Variants in CA10 observed in about 807,000 individuals in gnomAD.
CA10 encodes the protein carbonic anhydrase 10 (inactive), also known as carbonic anhydrase-related protein 10.
CA10 carries 14 observed loss-of-function variants against 44.2 expected under a neutral mutation model. The observed-to-expected ratio is 0.32, with a 90% confidence interval of 0.21 to 0.50. The LOEUF is 0.50. CA10 is among the 20% of genes least tolerant of loss of function. The pLI is 0.99. For missense variants in CA10, 350 were observed against 409.7 expected (o/e 0.85, Z 1.26); for synonymous variants, 159 against 141.6 (o/e 1.12, Z -0.87).
intron 2 of CA10, among the ~76,000 whole-genome samples, chr17:52,047,229 A>G (rs1428231950): frequency 6.6e-6 from 1 of 152,018 alleles, no homozygotes; most frequent in Non-Finnish European, 1.5e-5. Context: ...GATTATATGC[A>G]TATGGTTCTC....
At chr17:51,663,169 C>T (rs1597970444) in intron 4 of CA10, among the ~76,000 whole-genome samples, 1 of 147,022 alleles carries the variant, frequency 6.8e-6, no homozygotes, top group Admixed American at 6.9e-5. Context: ...AGATAAAACA[C>T]ATAAAGAATC....
intron 3 of CA10, among the ~76,000 whole-genome samples, chr17:51,890,545 A>G (rs1258991833): frequency 6.6e-6 from 1 of 152,168 alleles, no homozygotes; most frequent in African/African-American, 2.4e-5. Context: ...TGAATGATTT[A>G]ATAGTTATGG....
At chr17:52,006,305 A>G (rs748435093) in intron 2 of CA10, among the ~76,000 whole-genome samples, 1 of 151,898 alleles carries the variant, frequency 6.6e-6, no homozygotes. Context: ...GAAAATTATA[A>G]AATATTTAAA....
At chr17:51,779,522 GA>G (rs765982812) in intron 3 of CA10, among the ~76,000 whole-genome samples, 60 of 152,274 alleles carry the variant, frequency 3.9e-4, no homozygotes, top group Middle Eastern at 6.8e-3. Context: ...AGCAGGTCTT[GA>G]AAAATGCATC....
chr17:51,701,730 G>C (rs147999687), intron 4 of CA10, among the ~76,000 whole-genome samples: 85 of 152,296 alleles, frequency 5.6e-4, no homozygotes, highest in African/African-American at 2.0e-3. Flanking sequence ...CATTTGTAAT[G>C]TATTGCCAGA....
At chr17:51,895,643 A>T (rs560737355) in intron 3 of CA10, among the ~76,000 whole-genome samples, 1 of 152,130 alleles carries the variant, frequency 6.6e-6, no homozygotes, top group Non-Finnish European at 1.5e-5. Context: ...GAAGAGGCAC[A>T]AAGTAAAAAA....
intron 3 of CA10, among the ~76,000 whole-genome samples, chr17:51,771,521 G>C (rs562181583): frequency 6.6e-6 from 1 of 152,240 alleles, no homozygotes; most frequent in East Asian, 1.9e-4. Flanking sequence ...CCTACTCTCT[G>C]TAATGGCTAT....
intron 6 of CA10, 108 bp downstream of exon 6, chr17:51,649,074 C>G: frequency 1.4e-6 from 1 of 733,048 alleles, no homozygotes; most frequent in Middle Eastern, 2.4e-4. Context: ...ACTGCAGGAT[C>G]ATGAAACTGA....
intron 2 of CA10, among the ~76,000 whole-genome samples, chr17:51,967,569 T>C (rs1984129082): frequency 6.6e-6 from 1 of 151,806 alleles, no homozygotes; most frequent in Non-Finnish European, 1.5e-5. Flanking sequence ...GCCATTATCC[T>C]GAGCAAATTA....
At chr17:51,934,054 A>G (rs1460501733) in intron 2 of CA10, among the ~76,000 whole-genome samples, 2 of 152,102 alleles carry the variant, frequency 1.3e-5, no homozygotes. Flanking sequence ...TCACCTGCTC[A>G]GCCAATCGAG....
intron 1 of CA10, among the ~76,000 whole-genome samples, chr17:52,151,668 T>G (rs1224075222): frequency 6.6e-6 from 1 of 152,128 alleles, no homozygotes; most frequent in Non-Finnish European, 1.5e-5. Flanking sequence ...TGATCCAAAG[T>G]GTCAACAAGT....
intron 3 of CA10, among the ~76,000 whole-genome samples, chr17:51,898,491 A>G (rs1434537624): frequency 6.6e-6 from 1 of 152,006 alleles, no homozygotes; most frequent in Non-Finnish European, 1.5e-5. Flanking sequence ...ATTTTCTTCA[A>G]GGAGAGTGGC....
chr17:52,087,152 A>G (rs1457300965), intron 1 of CA10, among the ~76,000 whole-genome samples: 41 of 152,126 alleles, frequency 2.7e-4, no homozygotes, highest in Admixed American at 2.7e-3. Context: ...TTAATTAATT[A>G]ATTTTTGAGA....
chr17:52,093,565 CT>C (rs1460275995), intron 1 of CA10, among the ~76,000 whole-genome samples: 1 of 152,114 alleles, frequency 6.6e-6, no homozygotes, highest in East Asian at 1.9e-4. Context: ...CATCACTTAA[CT>C]TTTGTGTTGT....
At chr17:51,753,399 A>G (rs1042550392) in intron 3 of CA10, among the ~76,000 whole-genome samples, 1 of 152,254 alleles carries the variant, frequency 6.6e-6, no homozygotes, top group Admixed American at 6.5e-5. Context: ...TGGGGCCTCT[A>G]ATAAATGGGG....
At chr17:51,773,156 A>G (rs1905674726) in intron 3 of CA10, among the ~76,000 whole-genome samples, 1 of 152,190 alleles carries the variant, frequency 6.6e-6, no homozygotes, top group Non-Finnish European at 1.5e-5. Flanking sequence ...AGATTCTATG[A>G]TATAAAAGAC....
chr17:51,788,053 T>C (rs1906364355), intron 3 of CA10, among the ~76,000 whole-genome samples: 1 of 152,164 alleles, frequency 6.6e-6, no homozygotes, highest in South Asian at 2.1e-4. Flanking sequence ...GTTAGGTTGC[T>C]TATTTGAAAT....
chr17:51,778,743 G>A (rs758495853), intron 3 of CA10, among the ~76,000 whole-genome samples: 4 of 152,194 alleles, frequency 2.6e-5, no homozygotes, highest in Non-Finnish European at 4.4e-5. Flanking sequence ...TTCTGTTTCC[G>A]AAACAATCAG....
chr17:51,919,098 A>G (rs1368041751), intron 3 of CA10, among the ~76,000 whole-genome samples: 1 of 152,066 alleles, frequency 6.6e-6, no homozygotes. Context: ...GAAAATGAGC[A>G]TTTTCTTAAG....
Sources: gnomAD v4.1 joint callset for allele counts (sites outside exome capture counted in the v4.1 genomes callset) on GRCh38, gnomAD v4.1.1 for gene constraint, MANE v1.5 for transcripts, NCBI Gene and HGNC (gene_info 2026-07-23, HGNC 2026-07-21) for gene names.